Variants in XPR1 observed in about 807,000 individuals in gnomAD.
XPR1 encodes the protein xenotropic and polytropic retrovirus receptor 1.
In XPR1, 28 loss-of-function variants were observed where a neutral mutation model predicts 87.5. The observed-to-expected ratio is 0.32, with a 90% CI of 0.24 to 0.44. The LOEUF is 0.44. Ranked by LOEUF, XPR1 falls within the 20% of genes least tolerant of loss-of-function variation. The pLI, the probability that XPR1 is intolerant of heterozygous loss-of-function variation, is 1.00. For missense variants in XPR1, 559 were observed against 862.3 expected, an observed-to-expected ratio of 0.65 and a Z score of 4.41; for synonymous variants, 300 against 306.1, an observed-to-expected ratio of 0.98 and a Z score of 0.21.
intron 3 of XPR1, among the ~76,000 whole-genome samples, 179 bp from the exon 4 acceptor site, chr1:180,803,209 G>A (rs73040964): frequency 1.3e-5 from 2 of 152,062 alleles, no homozygotes; most frequent in Non-Finnish European, 1.5e-5. Flanking sequence ...GTTTTATGGG[G>A]GGTAAAATGA....
At chr1:180,732,670 A>G (rs74135814) in intron 2 of XPR1, among the ~76,000 whole-genome samples, 3,692 of 152,268 alleles carry the variant, frequency 0.024, 153 homozygotes, top group African/African-American at 0.083. Flanking sequence ...GGCAGTGTCT[A>G]GGGGTAAATG....
At chr1:180,867,162 A>AT (rs1652426332) in intron 12 of XPR1, among the ~76,000 whole-genome samples, 1 of 42,630 alleles carries the variant, frequency 2.3e-5, no homozygotes, top group Non-Finnish European at 4.3e-5. Context: ...TTATGGCTGC[A>AT]TAGTATTCCA....
intron 2 of XPR1, among the ~76,000 whole-genome samples, chr1:180,709,367 C>T (rs1181013858): frequency 6.6e-6 from 1 of 152,146 alleles, no homozygotes; most frequent in Non-Finnish European, 1.5e-5. Context: ...TATACACTGG[C>T]GAAACCATAA....
At chr1:180,699,271 A>T (rs1400201317) in intron 2 of XPR1, among the ~76,000 whole-genome samples, 142 of 122,384 alleles carry the variant, frequency 1.2e-3, no homozygotes, top group African/African-American at 4.1e-3. Context: ...TGTGCAGGTT[A>T]GTTACATATG....
At position 180,873,830 on chromosome 1, in the gene XPR1, G is replaced by A. The variant is rs1652579648; in HGVS notation, c.1696G>A (p.Asp566Asn). 2.5e-6 allele frequency: 4 copies of A among 1,614,072 alleles called. No homozygotes were observed. The highest frequency in any genetic ancestry group is 3.4e-6 in the Non-Finnish European group (4 of 1,180,008). Reference sequence around the variant, plus strand: ...CTACTACTACTGTGCCATAATAGAGGATGTGATTCTGCGCTTTGCTTGGAC... The same window carrying A: ...CTACTACTACTGTGCCATAATAGAGAATGTGATTCTGCGCTTTGCTTGGAC... ...KAYYYCAIIE[D>N]VILRFAWTIQ... The change falls in exon 13 of 15, where the codon GAT becomes AAT. Residue 566 changes from aspartate (D) to asparagine (N), a missense_variant. Coordinates refer to ENST00000367590, the MANE Select transcript of XPR1 (RefSeq NM_004736.4).
intron 6 of XPR1, among the ~76,000 whole-genome samples, chr1:180,810,233 G>C (rs1241408005): frequency 6.6e-6 from 1 of 151,994 alleles, no homozygotes; most frequent in African/African-American, 2.4e-5. Flanking sequence ...GGGAGATTTG[G>C]ATATATCAGT....
At chr1:180,851,242 A>G (rs7535885) in intron 11 of XPR1, among the ~76,000 whole-genome samples, 151,699 of 152,290 alleles carry the variant, frequency 1, 75,561 homozygotes, top group Middle Eastern at 1. Context: ...CAAAGGAGAG[A>G]CAATATATTT....
At chr1:180,872,522 C>T (rs1243715172) in intron 12 of XPR1, among the ~76,000 whole-genome samples, 3 of 54,788 alleles carry the variant, frequency 5.5e-5, no homozygotes, top group African/African-American at 7.6e-5. Flanking sequence ...TCTCGTGGTG[C>T]GCCGTTTCTT....
chr1:180,666,934 A>G (rs868770984), intron 1 of XPR1, among the ~76,000 whole-genome samples: 4 of 147,220 alleles, frequency 2.7e-5, no homozygotes, highest in Non-Finnish European at 6.0e-5. Flanking sequence ...TTTTTTTTCC[A>G]TGACAAGGTC....
chr1:180,651,844 A>T (rs1655301453), intron 1 of XPR1, among the ~76,000 whole-genome samples: 1 of 152,222 alleles, frequency 6.6e-6, no homozygotes, highest in African/African-American at 2.4e-5. Context: ...ATTTTATGAA[A>T]CTGGAAATGC....
At chr1:180,774,332 A>G (rs1648625915) in intron 2 of XPR1, among the ~76,000 whole-genome samples, 1 of 151,358 alleles carries the variant, frequency 6.6e-6, no homozygotes, top group Non-Finnish European at 1.5e-5. Context: ...AGGATAACCC[A>G]TATCTGGATT....
intron 1 of XPR1, among the ~76,000 whole-genome samples, chr1:180,679,821 C>T (rs1456974366): frequency 6.6e-6 from 1 of 151,922 alleles, no homozygotes. Flanking sequence ...TGCTTTAGGA[C>T]ATTGGTCTGG....
At chr1:180,719,544 A>T (rs1025921066) in intron 2 of XPR1, among the ~76,000 whole-genome samples, 2 of 152,180 alleles carry the variant, frequency 1.3e-5, no homozygotes, top group African/African-American at 4.8e-5. Context: ...CAATTTAAAG[A>T]TGCTATTCTG....
chr1:180,640,052 T>G (rs1248544250), intron 1 of XPR1, among the ~76,000 whole-genome samples: 3 of 152,246 alleles, frequency 2.0e-5, no homozygotes, highest in Non-Finnish European at 4.4e-5. Flanking sequence ...GTCAGCTGTT[T>G]TACATATGTT....
intron 11 of XPR1, among the ~76,000 whole-genome samples, chr1:180,844,552 G>T (rs1362483113): frequency 6.6e-6 from 1 of 152,170 alleles, no homozygotes; most frequent in Non-Finnish European, 1.5e-5. Context: ...TACAGTAAGT[G>T]TACTCATCGA....
intron 6 of XPR1, among the ~76,000 whole-genome samples, chr1:180,807,267 A>C (rs934101171): frequency 9.9e-5 from 15 of 152,234 alleles, no homozygotes; most frequent in Non-Finnish European, 2.1e-4. Context: ...ACGAAGAAGT[A>C]AAACCAGTGG....
intron 2 of XPR1, among the ~76,000 whole-genome samples, chr1:180,698,308 G>A (rs1198712481): frequency 6.6e-6 from 1 of 151,830 alleles, no homozygotes; most frequent in Admixed American, 6.6e-5. Context: ...CAGTCTATAT[G>A]TGTCTTTACA....
chr1:180,814,835 T>C (rs1650345266), intron 7 of XPR1, among the ~76,000 whole-genome samples: 1 of 152,090 alleles, frequency 6.6e-6, no homozygotes, highest in Admixed American at 6.6e-5. Flanking sequence ...TAGACATTGG[T>C]GGAATCAAAG....
intron 1 of XPR1, among the ~76,000 whole-genome samples, chr1:180,632,918 ACT>A (rs1360357859): frequency 6.6e-6 from 1 of 152,050 alleles, no homozygotes; most frequent in African/African-American, 2.4e-5. Flanking sequence ...TGATAATAAG[ACT>A]CTTTTTACTG....
Sources: gnomAD v4.1 joint callset for allele counts (sites outside exome capture counted in the v4.1 genomes callset) on GRCh38, gnomAD v4.1.1 for gene constraint, MANE v1.5 for transcripts, NCBI Gene and HGNC (gene_info 2026-07-23, HGNC 2026-07-21) for gene names.